Variants in DOCK2 observed in about 807,000 individuals in gnomAD.
The protein encoded by DOCK2 is dedicator of cytokinesis 2, also known as dedicator of cytokinesis protein 2.
Under a neutral mutation model 248.9 loss-of-function variants are expected in DOCK2, and 87 were observed. The observed-to-expected ratio is 0.35, with a 90% CI of 0.29 to 0.42. The LOEUF (loss-of-function observed/expected upper bound fraction) is 0.42, where lower values mean the gene tolerates loss of function less well. DOCK2 is among the 10% of genes least tolerant of loss of function. DOCK2 has a pLI of 1.00. For synonymous variants in DOCK2, 805 were observed against 821.6 expected (o/e 0.98, Z 0.35); for missense variants, 1,747 against 2,300.2 (o/e 0.76, Z 4.92).
chr5:169,762,454 C>T (rs1764542705), intron 25 of DOCK2, among the ~76,000 whole-genome samples: 1 of 152,088 alleles, frequency 6.6e-6, no homozygotes, highest in African/African-American at 2.4e-5. Flanking sequence ...ACCACTGGGC[C>T]CCACTGGCAG....
chr5:169,872,351 C>A (rs1772033588), intron 27 of DOCK2, among the ~76,000 whole-genome samples: 1 of 152,196 alleles, frequency 6.6e-6, no homozygotes, highest in African/African-American at 2.4e-5. Context: ...AGTCTCGGAT[C>A]ACAGGAACTT....
intron 27 of DOCK2, among the ~76,000 whole-genome samples, chr5:169,851,341 C>T (rs1770608951): frequency 6.6e-6 from 1 of 152,176 alleles, no homozygotes; most frequent in African/African-American, 2.4e-5. Context: ...AATATGACAG[C>T]TGGAGCATAA....
intron 36 of DOCK2, 69 bp from the exon 37 acceptor site, chr5:170,040,986 T>C (rs1756494741): frequency 7.1e-6 from 10 of 1,417,718 alleles, no homozygotes; most frequent in Non-Finnish European, 1.0e-5. Context: ...TCTGGGCTCC[T>C]GCTTGTCCCT....
rs888995387 is a variant in DOCK2, at chr5:169,846,576, T to C, written c.2799+5724T>C. Reference sequence around the variant, plus strand: ...TGGTGAGAAAGGGAGCATGGTTTGATAGAAAGTGTATATATATATATACAC... The same window carrying C: ...TGGTGAGAAAGGGAGCATGGTTTGACAGAAAGTGTATATATATATATACAC... On this transcript the variant is annotated intron_variant, in intron 27 of 51. Transcript: ENST00000520908. 2.1e-4 allele frequency among the ~76,000 whole-genome samples: 31 copies of C among 148,982 alleles called. 1 individual carries two copies. Among genetic ancestry groups the C allele is most frequent in the African/African-American group, 7.8e-4 (31 of 39,558 alleles).
chr5:169,712,321 TCA>T, intron 17 of DOCK2, 98 bp downstream of exon 17: 1 of 1,035,418 alleles, frequency 9.7e-7, no homozygotes, highest in Non-Finnish European at 1.5e-6. Flanking sequence ...GACCCCAGAA[TCA>T]CACACACCAG....
chr5:169,716,004 C>T lies in DOCK2; in HGVS notation c.1942-209C>T, dbSNP rs567669978. Reference sequence around the variant, plus strand: ...GTAGTATTCTCTAGTGTGAACATGCCACCATCTGTGCATCCATTCTGCTGT... The same window carrying T: ...GTAGTATTCTCTAGTGTGAACATGCTACCATCTGTGCATCCATTCTGCTGT... On this transcript the variant is annotated intron_variant, in intron 19 of 51. Transcript: ENST00000520908. Among the ~76,000 whole-genome samples the T allele has an allele frequency of 3.9e-5, 6 of 152,314 alleles. No homozygotes were observed. In the South Asian group the frequency reaches 1.2e-3, roughly 32 times the overall value.
At chr5:169,709,122 T>C (rs1761439105) in intron 15 of DOCK2, among the ~76,000 whole-genome samples, 1 of 152,272 alleles carries the variant, frequency 6.6e-6, no homozygotes, top group South Asian at 2.1e-4. Flanking sequence ...AATACAACTC[T>C]TGATTATACT....
At chr5:169,658,212 A>T (rs1454986610) in intron 2 of DOCK2, among the ~76,000 whole-genome samples, 2 of 152,086 alleles carry the variant, frequency 1.3e-5, no homozygotes, top group Admixed American at 1.3e-4. Context: ...AGATTAAATA[A>T]AATTTTTATT....
rs74709925 is a variant in DOCK2, at chr5:169,984,085, A to G, written c.2898+919A>G. 7.9e-3 allele frequency among the ~76,000 whole-genome samples: 1,205 copies of G among 152,294 alleles called. 15 individuals carry two copies. The highest frequency in any genetic ancestry group is 0.028 in the African/African-American group (1,145 of 41,544). On this transcript the variant is annotated intron_variant, in intron 28 of 51. Coordinates refer to ENST00000520908, the MANE Select transcript of DOCK2 (RefSeq NM_004946.3). ...TGGAATTCTTAATGATTGAACATAC[A>G]CATTTTCTTACATAACCCTCACAAA...
intron 1 of DOCK2, among the ~76,000 whole-genome samples, chr5:169,653,059 GT>G (rs1757892968): frequency 1.3e-5 from 2 of 152,226 alleles, no homozygotes; most frequent in African/African-American, 2.4e-5. Context: ...GGCAAGGCAA[GT>G]AACCTCTCTC....
chr5:169,824,284 T>C (rs1228580423), intron 26 of DOCK2, among the ~76,000 whole-genome samples: 2 of 152,158 alleles, frequency 1.3e-5, no homozygotes, highest in Non-Finnish European at 2.9e-5. Context: ...TTAAAGTTCA[T>C]GTGGAAACAA....
intron 27 of DOCK2, among the ~76,000 whole-genome samples, chr5:169,897,217 G>C (rs1007776948): frequency 6.6e-6 from 1 of 151,916 alleles, no homozygotes; most frequent in African/African-American, 2.4e-5. Context: ...ACAGAGTCTT[G>C]CTCTGCCACC....
intron 27 of DOCK2, among the ~76,000 whole-genome samples, chr5:169,869,090 G>A (rs147284551): frequency 6.6e-6 from 1 of 152,162 alleles, no homozygotes; most frequent in African/African-American, 2.4e-5. Context: ...ATGGAACACT[G>A]TCTTGGCCCA....
At chr5:169,798,323 GACA>G (rs3075564) in intron 25 of DOCK2, among the ~76,000 whole-genome samples, 83,340 of 151,622 alleles carry the variant, frequency 0.55, 24,230 homozygotes, top group East Asian at 0.79. Context: ...CCTATCTATA[GACA>G]GCAACCTACT....
intron 36 of DOCK2, among the ~76,000 whole-genome samples, 196 bp downstream of exon 36, chr5:170,036,751 G>C (rs774400656): frequency 6.6e-6 from 1 of 152,142 alleles, no homozygotes; most frequent in Non-Finnish European, 1.5e-5. Context: ...ATAAAACCAC[G>C]TGAAATCGTC....
chr5:169,916,008 T>C (rs533118837), intron 27 of DOCK2, among the ~76,000 whole-genome samples: 3 of 152,328 alleles, frequency 2.0e-5, no homozygotes, highest in Admixed American at 2.0e-4. Flanking sequence ...ATTACAAATG[T>C]TCTCAGATTC....
chr5:169,853,773 T>A (rs1770733939), intron 27 of DOCK2, among the ~76,000 whole-genome samples: 2 of 147,364 alleles, frequency 1.4e-5, no homozygotes, highest in Non-Finnish European at 3.0e-5. Context: ...TTAAAACAAT[T>A]TCACTTTCCT....
chr5:169,746,995 GA>G (rs1362998406), intron 22 of DOCK2, among the ~76,000 whole-genome samples: 1 of 152,222 alleles, frequency 6.6e-6, no homozygotes, highest in Non-Finnish European at 1.5e-5. Context: ...ATGGGTGGCG[GA>G]AATGGCAGTG....
chr5:169,799,966 A>G (rs1208100476), intron 25 of DOCK2, among the ~76,000 whole-genome samples: 1 of 152,086 alleles, frequency 6.6e-6, no homozygotes, highest in Non-Finnish European at 1.5e-5. Flanking sequence ...CACTATGCCC[A>G]GCTAATTTTT....
Sources: gnomAD v4.1 joint callset for allele counts (sites outside exome capture counted in the v4.1 genomes callset) on GRCh38, gnomAD v4.1.1 for gene constraint, MANE v1.5 for transcripts, NCBI Gene and HGNC (gene_info 2026-07-23, HGNC 2026-07-21) for gene names.